FRMD1: variants seen among roughly 807,000 people sequenced by gnomAD.
The protein encoded by FRMD1 is FERM domain-containing protein 1.
FRMD1 carries 51 observed loss-of-function variants against 54.9 expected under a neutral mutation model. The observed-to-expected ratio is 0.93, with a 90% CI of 0.74 to 1.17. The LOEUF is 1.17. FRMD1 is among the 50% of genes most tolerant of loss of function. The pLI is 0.00. For missense variants in FRMD1, 729 were observed against 743.0 expected (o/e 0.98, Z 0.22); for synonymous variants, 324 against 306.4 (o/e 1.06, Z -0.60).
chr6:168,090,221 T>G (rs1800993429), intron 1 of FRMD1, among the ~76,000 whole-genome samples: 1 of 152,116 alleles, frequency 6.6e-6, no homozygotes. Flanking sequence ...CTTGTCCCTC[T>G]GCCCCCCACG....
upstream of FRMD1, among the ~76,000 whole-genome samples, chr6:168,083,756 G>C (rs897028424): frequency 6.6e-6 from 1 of 152,216 alleles, no homozygotes; most frequent in Non-Finnish European, 1.5e-5. Context: ...ATCTATCTGG[G>C]ATCTGGAAAG....
chr6:168,070,686 C>T (rs1333836037), intron 2 of FRMD1, among the ~76,000 whole-genome samples: 1 of 152,238 alleles, frequency 6.6e-6, no homozygotes, highest in Non-Finnish European at 1.5e-5. Flanking sequence ...TATCTATACA[C>T]ACACACACTA....
chr6:168,071,871 G>A (rs1020570817), intron 2 of FRMD1, among the ~76,000 whole-genome samples: 6 of 152,206 alleles, frequency 3.9e-5, no homozygotes, highest in Admixed American at 3.9e-4. Context: ...AGCGCTGCAG[G>A]CCCTCATCCT....
In FRMD1 at chr6:168,056,683, G is replaced by A. The variant is rs1466636696; in HGVS notation, c.*414C>T. On this transcript the variant is annotated 3_prime_UTR_variant, in exon 11 of 11. Transcript: ENST00000283309. ...AGCTCTGGCAGCCTGTGCCCATCAG[G>A]ACTGTCTCTTGGGGAGCTGACAGTG... 1 of 161,256 alleles carries A rather than the reference G, an allele frequency of 6.2e-6. No homozygotes were observed. Among genetic ancestry groups the A allele is most frequent in the Admixed American group, 6.0e-5 (1 of 16,548 alleles). 10.0% of individuals were successfully genotyped at this position (161,256 alleles called of 1,614,324 possible).
rs1799744530 is a variant in FRMD1, at chr6:168,061,735, G to A, written c.1045+72C>T. 6 of 1,421,292 alleles carry A rather than the reference G, an allele frequency of 4.2e-6. No homozygotes were observed. In the East Asian group the frequency reaches 1.0e-4, roughly 24 times the overall value. 88.0% of individuals were successfully genotyped at this position (1,421,292 alleles called of 1,614,324 possible). A position where few individuals can be genotyped will look rare whatever the true frequency, so the allele number is the denominator to read the frequency against. On this transcript the variant is annotated intron_variant, in intron 8 of 10. Transcript: ENST00000283309. ...AGACAGAAGGCATAGTCCGGCCAGA[G>A]CCCAGTGTGCCCAGCCTAGCCCAGA...
Position 168,057,105 on chromosome 6 carries a change from C to T in FRMD1, c.1642G>A (p.Val548Met), listed in dbSNP as rs945824605. Reference protein sequence around the residue: ...LFGEAPPQEFVV With the variant: ...LFGEAPPQEFMV ...TGCTGGGTGGGTGGTGCCTACACCA[C>T]AAACTCCTGTGGTGGAGCCTCTCCG... The change falls in exon 11 of 11, where the codon GTG becomes ATG. Residue 548 changes from valine (V) to methionine (M), a missense_variant. By Grantham distance (21) the Val-to-Met change is conservative (BLOSUM62 1). Transcript: ENST00000283309. 6.8e-7 allele frequency: 1 copy of T among 1,479,670 alleles called. No individual in the cohort carries two copies. The highest frequency in any genetic ancestry group is 1.4e-5 in the African/African-American group (1 of 71,102). 91.7% of individuals were successfully genotyped at this position (1,479,670 alleles called of 1,614,324 possible). A position where few individuals can be genotyped will look rare whatever the true frequency, so the allele number is the denominator to read the frequency against.
In FRMD1 at chr6:168,061,875, G is replaced by A; in HGVS notation, c.977C>T (p.Ala326Val). 1.3e-6 allele frequency: 2 copies of A among 1,587,528 alleles called. No individual in the cohort carries two copies. Among genetic ancestry groups the A allele is most frequent in the Non-Finnish European group, 1.7e-6 (2 of 1,168,402 alleles). The change falls in exon 8 of 11, where the codon GCC becomes GTC. Residue 326 changes from alanine (A) to valine (V), a missense_variant. Transcript: ENST00000283309. ...RSRHLLHLLRASHQLHLRVRP... is the reference protein window; with the variant it reads ...RSRHLLHLLRVSHQLHLRVRP... ...CACGCGGAGGTGGAGCTGGTGGCTG[G>A]CGCGCAGCAGGTGCAGCAGGTGCCT...
chr6:168,079,075 C>G lies in FRMD1; in HGVS notation c.20G>C (p.Gly7Ala). The change falls in exon 1 of 11, where the codon GGG (glycine) becomes GCG (alanine). Residue 7 changes from glycine to alanine, a missense_variant. Coordinates refer to ENST00000283309, the MANE Select transcript of FRMD1 (RefSeq NM_024919.6). ...TGTCCGGGCGGGGTCTATGCCCCTC[C>G]CTCTCGGGGGCACCGCCATGCTGTC... The part of the protein sequence containing the change: MAVPPR[G>A]RGIDPARTNP... 6.2e-7 allele frequency: 1 copy of G among 1,606,018 alleles called. No individual in the cohort carries two copies.
chr6:168,066,479 C>T, intron 4 of FRMD1: 1 of 1,060,838 alleles, frequency 9.4e-7, no homozygotes, highest in Admixed American at 4.3e-5. Flanking sequence ...GCCTGGGCGA[C>T]AAGAGTGAAA....
chr6:168,084,227 C>G (rs564623123), upstream of FRMD1, among the ~76,000 whole-genome samples: 1 of 152,278 alleles, frequency 6.6e-6, no homozygotes, highest in African/African-American at 2.4e-5. Flanking sequence ...TAGACGGAAG[C>G]CTGGGGCATC....
chr6:168,077,281 TG>T (rs146849973), intron 1 of FRMD1, among the ~76,000 whole-genome samples: 267 of 146,952 alleles, frequency 1.8e-3, no homozygotes, highest in African/African-American at 5.1e-3. Context: ...CACACTCCGA[TG>T]GGGGGGGGTT....
Position 168,056,877 on chromosome 6 carries a change from G to A in FRMD1, c.*220C>T. The A allele has an allele frequency of 2.3e-6, 1 of 436,848 alleles. No individual in the cohort carries two copies. Among genetic ancestry groups the A allele is most frequent in the Non-Finnish European group, 3.9e-6 (1 of 257,994 alleles). The allele number at this position is 436,848 out of a possible 1,614,324, so 27.1% of individuals were successfully genotyped here. A position where few individuals can be genotyped will look rare whatever the true frequency, so the allele number is the denominator to read the frequency against. On this transcript the variant is annotated 3_prime_UTR_variant, in exon 11 of 11. Coordinates refer to ENST00000283309, the MANE Select transcript of FRMD1 (RefSeq NM_024919.6). ...TGAGACCCTGAGGGAAAGAGCTCCC[G>A]GGTGTATGGCAGACAGGCATGAGGT... is the stretch of plus-strand genomic sequence containing the variant.
intron 1 of FRMD1, among the ~76,000 whole-genome samples, chr6:168,076,953 T>C (rs1374939877): frequency 6.6e-6 from 1 of 151,670 alleles, no homozygotes; most frequent in Admixed American, 6.6e-5. Context: ...TACACCCCAA[T>C]AGAGGGTTCC....
intron 2 of FRMD1, among the ~76,000 whole-genome samples, chr6:168,068,442 G>A (rs1800150434): frequency 6.6e-6 from 1 of 152,118 alleles, no homozygotes; most frequent in Admixed American, 6.5e-5. Flanking sequence ...ATCAAAACCC[G>A]GGGATGGTGT....
At chr6:168,072,895 C>T (rs1158902150) in intron 2 of FRMD1, among the ~76,000 whole-genome samples, 1 of 152,162 alleles carries the variant, frequency 6.6e-6, no homozygotes, top group Non-Finnish European at 1.5e-5. Context: ...AAGTCAACAT[C>T]CCGCCCTCCC....
rs116801809 is a variant in FRMD1, at chr6:168,061,853, G to T, written c.999C>A (p.Arg333=). 1.0e-5 allele frequency: 16 copies of T among 1,577,566 alleles called. No homozygotes were observed. The Admixed American group carries it at 1.3e-4, about 12-fold the overall frequency. The part of the protein sequence containing the change: ...LLRASHQLHL[R]VRPTLQQLRQ... ...GCAGCTGTTGCAGAGTGGGCCGCAC[G>T]CGGAGGTGGAGCTGGTGGCTGGCGC... The change falls in exon 8 of 11, where the codon CGC becomes CGA. Residue 333 remains arginine, a synonymous_variant. Transcript: ENST00000283309.
At chr6:168,080,662 G>T (rs1254021695), upstream of FRMD1, among the ~76,000 whole-genome samples, 1 of 152,162 alleles carries the variant, frequency 6.6e-6, no homozygotes. Flanking sequence ...CCAGGGTTGG[G>T]GGGTGGCAGA....
intron 10 of FRMD1, among the ~76,000 whole-genome samples, chr6:168,058,187 C>T (rs1284439902): frequency 6.7e-6 from 1 of 150,016 alleles, no homozygotes; most frequent in African/African-American, 2.5e-5. Flanking sequence ...CAGCCCTGTT[C>T]TCTCTCCATC....
At chr6:168,057,387 C>A in intron 10 of FRMD1, 48 bp from the exon 11 acceptor site, 1 of 1,587,436 alleles carries the variant, frequency 6.3e-7, no homozygotes, top group Non-Finnish European at 8.5e-7. Context: ...CTCTCACTCC[C>A]ACCACCGCAC....
Sources: allele counts gnomAD v4.1 joint callset (sites outside exome capture counted in the v4.1 genomes callset), GRCh38; gene constraint gnomAD v4.1.1; transcripts MANE v1.5; gene names NCBI Gene and HGNC (gene_info 2026-07-23, HGNC 2026-07-21).